SLC25A21: variants seen among roughly 807,000 people sequenced by gnomAD.
The protein encoded by SLC25A21 is solute carrier family 25 member 21.
A neutral mutation model predicts 43.8 loss-of-function variants in SLC25A21; 47 were observed. The ratio of observed to expected loss-of-function variants is 1.07; its 90% CI spans 0.85 to 1.37. SLC25A21 has a LOEUF of 1.37. SLC25A21 is among the 40% of genes most tolerant of loss of function. SLC25A21 has a pLI of 0.00. For synonymous variants in SLC25A21, 131 were observed against 121.3 expected (o/e 1.08, Z -0.52); for missense variants, 352 against 350.2 (o/e 1.00, Z -0.04).
At position 36,679,976 on chromosome 14, in the gene SLC25A21, T is replaced by A; in HGVS notation, c.*682A>T. 8 of 841,014 alleles carry A rather than the reference T, an allele frequency of 9.5e-6. No individual in the cohort carries two copies. The highest frequency in any genetic ancestry group is 1.1e-5 in the Non-Finnish European group (8 of 717,840). The allele number at this position is 841,014 out of a possible 1,614,324, so 52.1% of individuals were successfully genotyped here. ...AACAACAGTGTTTTAACATTCTGTT[T>A]TAAACAATGTTTTAAAATACCTATT... On this transcript the variant is annotated 3_prime_UTR_variant, in exon 10 of 10. Coordinates refer to ENST00000331299, the MANE Select transcript of SLC25A21 (RefSeq NM_030631.4).
intron 3 of SLC25A21, among the ~76,000 whole-genome samples, chr14:36,735,052 G>A (rs1054368536): frequency 2.6e-5 from 4 of 152,158 alleles, no homozygotes; most frequent in African/African-American, 9.7e-5. Context: ...AGCTCTGTGG[G>A]TATGGTACTA....
At chr14:36,813,841 G>T (rs995633977) in intron 3 of SLC25A21, 77 bp downstream of exon 3, 76 of 1,106,196 alleles carry the variant, frequency 6.9e-5, no homozygotes, top group Non-Finnish European at 9.5e-5. Flanking sequence ...AGTAAGACTA[G>T]GAAAATAAAC....
At chr14:36,825,539 T>C (rs1206815429) in intron 2 of SLC25A21, among the ~76,000 whole-genome samples, 1 of 152,208 alleles carries the variant, frequency 6.6e-6, no homozygotes, top group Non-Finnish European at 1.5e-5. Context: ...ACTCATATGT[T>C]TGGCAGTTTT....
chr14:36,701,916 A>G (rs1281897927), intron 7 of SLC25A21, among the ~76,000 whole-genome samples: 1 of 152,148 alleles, frequency 6.6e-6, no homozygotes, highest in Non-Finnish European at 1.5e-5. Flanking sequence ...AACCAGAGGG[A>G]GCACACTGAG....
Position 37,172,456 on chromosome 14 carries a change from G to A in SLC25A21, c.-106C>T, listed in dbSNP as rs549980039. ...GCCCCGGCTGGGCTGGTCCTCAAGCGCGTTGGCTCCCTGTGGAGCAGCAAT... is the reference window on the plus strand; with the variant it reads ...GCCCCGGCTGGGCTGGTCCTCAAGCACGTTGGCTCCCTGTGGAGCAGCAAT... On this transcript the variant is annotated 5_prime_UTR_variant, in exon 1 of 10. Coordinates refer to ENST00000331299, the MANE Select transcript of SLC25A21 (RefSeq NM_030631.4). 9.4e-6 allele frequency: 11 copies of A among 1,174,372 alleles called. No individual in the cohort carries two copies. The highest frequency in any genetic ancestry group is 1.3e-5 in the South Asian group (1 of 76,708). 72.7% of individuals were successfully genotyped at this position (1,174,372 alleles called of 1,614,324 possible). A position where few individuals can be genotyped will look rare whatever the true frequency, so the allele number is the denominator to read the frequency against.
Position 36,987,127 on chromosome 14 carries a change from AT to A in SLC25A21, c.71-112124del, listed in dbSNP as rs879457216. On this transcript the variant is annotated intron_variant, in intron 1 of 9. Coordinates refer to ENST00000331299, the MANE Select transcript of SLC25A21 (RefSeq NM_030631.4). ...TATTTATAGCAAGGTTATAGTAAGT[AT>A]TTTTTTAATCTTAAAGATAAAAGGG... Among the ~76,000 whole-genome samples the A allele has an allele frequency of 4.9e-4, 74 of 152,220 alleles. 1 individual carries two copies. The highest frequency in any genetic ancestry group is 6.8e-3 in the Middle Eastern group (2 of 294).
intron 1 of SLC25A21, among the ~76,000 whole-genome samples, chr14:37,138,664 C>T (rs1963522754): frequency 6.6e-6 from 1 of 151,916 alleles, no homozygotes; most frequent in Non-Finnish European, 1.5e-5. Context: ...TTTCTAATAC[C>T]TCCAACTGCT....
At chr14:36,966,738 C>A (rs1017933800) in intron 1 of SLC25A21, among the ~76,000 whole-genome samples, 1 of 152,180 alleles carries the variant, frequency 6.6e-6, no homozygotes, top group Non-Finnish European at 1.5e-5. Flanking sequence ...CAGTAGAATT[C>A]TTTCTTCTAT....
At chr14:37,139,872 G>T (rs1183236268) in intron 1 of SLC25A21, among the ~76,000 whole-genome samples, 1 of 152,140 alleles carries the variant, frequency 6.6e-6, no homozygotes, top group Non-Finnish European at 1.5e-5. Flanking sequence ...TCAGAAACCA[G>T]CTAAATACTT....
At chr14:36,949,006 A>G (rs936055575) in intron 1 of SLC25A21, among the ~76,000 whole-genome samples, 3 of 152,190 alleles carry the variant, frequency 2.0e-5, no homozygotes, top group Non-Finnish European at 4.4e-5. Context: ...GAACTTACAA[A>G]TCATCTTGCC....
chr14:37,003,677 A>ACC (rs1369570705), intron 1 of SLC25A21, among the ~76,000 whole-genome samples: 54 of 152,278 alleles, frequency 3.5e-4, no homozygotes, highest in Non-Finnish European at 6.8e-4. Flanking sequence ...ATACTCAAAG[A>ACC]TGCACCTAAA....
At chr14:36,934,617 T>C (rs1026941429) in intron 1 of SLC25A21, among the ~76,000 whole-genome samples, 1 of 152,054 alleles carries the variant, frequency 6.6e-6, no homozygotes, top group Non-Finnish European at 1.5e-5. Context: ...CCAGTACTTA[T>C]GGGGTAAAAA....
intron 1 of SLC25A21, among the ~76,000 whole-genome samples, chr14:37,137,391 A>G (rs1239094504): frequency 6.6e-6 from 1 of 152,228 alleles, no homozygotes; most frequent in Non-Finnish European, 1.5e-5. Context: ...TGTGAATTAC[A>G]TTTCTTTTCA....
At chr14:36,690,863 C>A (rs1331976395) in intron 7 of SLC25A21, among the ~76,000 whole-genome samples, 1 of 152,076 alleles carries the variant, frequency 6.6e-6, no homozygotes, top group African/African-American at 2.4e-5. Context: ...TAGTGAGTCA[C>A]CATATTAGCT....
chr14:36,792,237 T>C (rs1887511721), intron 3 of SLC25A21, among the ~76,000 whole-genome samples: 1 of 152,124 alleles, frequency 6.6e-6, no homozygotes, highest in African/African-American at 2.4e-5. Context: ...AATAGGGCAA[T>C]ATTTTCCATT....
At chr14:37,139,886 A>G (rs900578417) in intron 1 of SLC25A21, among the ~76,000 whole-genome samples, 3 of 152,244 alleles carry the variant, frequency 2.0e-5, no homozygotes, top group African/African-American at 2.4e-5. Context: ...AATACTTGAG[A>G]TGAATACGCA....
chr14:37,123,399 G>A (rs1279350841), intron 1 of SLC25A21, among the ~76,000 whole-genome samples: 9 of 152,212 alleles, frequency 5.9e-5, no homozygotes, highest in Admixed American at 5.9e-4. Flanking sequence ...TTTTCCTTCT[G>A]AGGAAGCAAT....
chr14:36,771,901 T>G (rs956175412), intron 3 of SLC25A21, among the ~76,000 whole-genome samples: 1 of 152,136 alleles, frequency 6.6e-6, no homozygotes, highest in Non-Finnish European at 1.5e-5. Flanking sequence ...CCGAAGAACA[T>G]TTTGTACACA....
intron 1 of SLC25A21, among the ~76,000 whole-genome samples, chr14:36,879,008 A>G (rs1015016569): frequency 6.6e-6 from 1 of 152,214 alleles, no homozygotes; most frequent in Non-Finnish European, 1.5e-5. Flanking sequence ...ATACATAAGA[A>G]CTTAAATATA....
Sources: allele counts gnomAD v4.1 joint callset (sites outside exome capture counted in the v4.1 genomes callset), GRCh38; gene constraint gnomAD v4.1.1; transcripts MANE v1.5; gene names NCBI Gene and HGNC (gene_info 2026-07-23, HGNC 2026-07-21).